Variants in ATL2 observed in about 807,000 individuals in gnomAD.
ATL2 encodes atlastin-2.
ATL2 carries 31 observed loss-of-function variants against 73.9 expected under a neutral mutation model. That is an observed-to-expected ratio of 0.42 (90% confidence interval 0.32 to 0.57). ATL2 has a LOEUF of 0.57. ATL2 is among the 20% of genes least tolerant of loss of function. The probability of loss-of-function intolerance (pLI) is 0.14; values close to 1 mark genes in which losing one functional copy is unlikely to be tolerated. For missense variants in ATL2, 738 were observed against 702.6 expected (o/e 1.05, Z -0.57); for synonymous variants, 291 against 237.5 (o/e 1.23, Z -2.07).
In ATL2 at chr2:38,315,332, T is replaced by G; in HGVS notation, c.606A>C (p.Val202=). The G allele has an allele frequency of 1.3e-6, 2 of 1,501,920 alleles. No homozygotes were observed. Among genetic ancestry groups the G allele is most frequent in the Non-Finnish European group, 1.8e-6 (2 of 1,135,568 alleles). 93.0% of individuals were successfully genotyped at this position (1,501,920 alleles called of 1,614,324 possible). A position where few individuals can be genotyped will look rare whatever the true frequency, so the allele number is the denominator to read the frequency against. ...CTTGAATATTCTGAGACAGATTATA[T>G]ACCTGTTGAAACAAAATTTATTTTG... is the stretch of plus-strand genomic sequence containing the variant. The part of the protein sequence containing the change: ...ALSTMTSSVQ[V]YNLSQNIQED... Residue 202 remains valine, a splice_region_variant and synonymous_variant, in exon 5 of 13, where the codon GTA becomes GTC. Coordinates refer to ENST00000378954, the MANE Select transcript of ATL2 (RefSeq NM_001135673.4).
rs1373605276 is a variant in ATL2 at position 38,319,034 on chromosome 2, G to T, written c.364-15C>A. On this transcript the variant is annotated splice_polypyrimidine_tract_variant and intron_variant, in intron 2 of 12. Coordinates refer to ENST00000378954, the MANE Select transcript of ATL2 (RefSeq NM_001135673.4). Reference sequence around the variant, plus strand: ...CTTTGAGAATCCTGTTAAAGTCAAGGATAAATGTAAAATACAACACAATTA... The same window carrying T: ...CTTTGAGAATCCTGTTAAAGTCAAGTATAAATGTAAAATACAACACAATTA... 1 of 1,605,908 alleles carries T rather than the reference G, an allele frequency of 6.2e-7. No individual in the cohort carries two copies. Among genetic ancestry groups the T allele is most frequent in the Non-Finnish European group, 8.5e-7 (1 of 1,176,918 alleles).
intron 2 of ATL2, among the ~76,000 whole-genome samples, chr2:38,333,824 G>T (rs1180604302): frequency 6.6e-6 from 1 of 152,110 alleles, no homozygotes; most frequent in African/African-American, 2.4e-5. Flanking sequence ...AAACAATATT[G>T]TAAACACTTC....
intron 1 of ATL2, among the ~76,000 whole-genome samples, chr2:38,363,972 A>G (rs1671158283): frequency 1.3e-5 from 2 of 152,336 alleles, no homozygotes; most frequent in Admixed American, 6.5e-5. Context: ...AACTTTAAAA[A>G]TGTAGTCTAG....
intron 1 of ATL2, among the ~76,000 whole-genome samples, chr2:38,374,083 G>C (rs1671833593): frequency 6.6e-6 from 1 of 152,156 alleles, no homozygotes; most frequent in South Asian, 2.1e-4. Flanking sequence ...TAGAGAGGGG[G>C]TTTCTCCATG....
At chr2:38,368,409 C>T (rs1373355927) in intron 1 of ATL2, among the ~76,000 whole-genome samples, 1 of 152,136 alleles carries the variant, frequency 6.6e-6, no homozygotes, top group Admixed American at 6.5e-5. Context: ...TGTGCCACCA[C>T]GCCCGGCTAA....
At chr2:38,371,186 T>TA (rs1236113054) in intron 1 of ATL2, among the ~76,000 whole-genome samples, 1 of 151,520 alleles carries the variant, frequency 6.6e-6, no homozygotes, top group African/African-American at 2.4e-5. Context: ...TTATAGGGTT[T>TA]ATCTCTTTAA....
chr2:38,376,409 A>C, intron 1 of ATL2: 2 of 431,724 alleles, frequency 4.6e-6, no homozygotes, highest in South Asian at 6.8e-5. Context: ...ACACTTTCAG[A>C]GTGATCAGGC....
intron 1 of ATL2, among the ~76,000 whole-genome samples, chr2:38,364,446 G>C (rs1205395189): frequency 1.3e-5 from 2 of 152,076 alleles, no homozygotes; most frequent in African/African-American, 2.4e-5. Context: ...AATTTCAAGA[G>C]CCCGAATATA....
chr2:38,301,158 C>T (rs940343656), intron 9 of ATL2, among the ~76,000 whole-genome samples: 6 of 152,082 alleles, frequency 3.9e-5, no homozygotes, highest in South Asian at 4.1e-4. Flanking sequence ...TTAGGAGAGA[C>T]GGGGTTTCAC....
intron 1 of ATL2, among the ~76,000 whole-genome samples, chr2:38,354,667 A>C (rs547256879): frequency 3.3e-5 from 5 of 152,162 alleles, no homozygotes; most frequent in Non-Finnish European, 7.4e-5. Context: ...AGGCAGGAGA[A>C]TCACCTGAGG....
chr2:38,375,832 G>C (rs1671929469), intron 1 of ATL2, among the ~76,000 whole-genome samples: 2 of 152,198 alleles, frequency 1.3e-5, no homozygotes, highest in Non-Finnish European at 2.9e-5. Context: ...ACAGTCAAGC[G>C]TTTTGGTTGG....
chr2:38,312,321 G>A (rs983616033), intron 7 of ATL2, among the ~76,000 whole-genome samples: 3 of 152,280 alleles, frequency 2.0e-5, no homozygotes, highest in African/African-American at 7.2e-5. Context: ...CCCCCTTGCT[G>A]TTCTTTTAAC....
chr2:38,315,269 A>T lies in ATL2; in HGVS notation c.654+15T>A. On this transcript the variant is annotated intron_variant, in intron 5 of 12. Transcript: ENST00000378954. ...TCCATCTCAAAAAATAAAAATTAAA[A>T]AAAGAAATACGTACTTGCAAATGTT... is the stretch of plus-strand genomic sequence containing the variant. 4.1e-6 allele frequency: 6 copies of T among 1,478,084 alleles called. No homozygotes were observed. Among genetic ancestry groups the T allele is most frequent in the Non-Finnish European group, 5.4e-6 (6 of 1,121,304 alleles). 91.6% of individuals were successfully genotyped at this position (1,478,084 alleles called of 1,614,324 possible). A position where few individuals can be genotyped will look rare whatever the true frequency, so the allele number is the denominator to read the frequency against.
At chr2:38,355,930 A>G (rs993170513) in intron 1 of ATL2, among the ~76,000 whole-genome samples, 7 of 151,622 alleles carry the variant, frequency 4.6e-5, no homozygotes, top group Admixed American at 2.0e-4. Flanking sequence ...CCTGACCTCA[A>G]TGATCCACCC....
At chr2:38,309,630 T>C in intron 8 of ATL2, 124 bp from the exon 9 acceptor site, 9 of 989,146 alleles carry the variant, frequency 9.1e-6, no homozygotes, top group Non-Finnish European at 1.1e-5. Flanking sequence ...AGTGGATTCA[T>C]TTTTTAAAAA....
At chr2:38,312,902 C>A (rs1465836129) in intron 7 of ATL2, among the ~76,000 whole-genome samples, 1 of 152,132 alleles carries the variant, frequency 6.6e-6, no homozygotes, top group East Asian at 1.9e-4. Context: ...TACACAAGTA[C>A]TTCCATGGGG....
At chr2:38,340,289 T>G (rs903522662) in intron 2 of ATL2, among the ~76,000 whole-genome samples, 10 of 151,400 alleles carry the variant, frequency 6.6e-5, no homozygotes, top group African/African-American at 2.4e-4. Flanking sequence ...CATCAAGCTG[T>G]ACACTTAAGA....
intron 9 of ATL2, among the ~76,000 whole-genome samples, chr2:38,305,806 A>G (rs879696279): frequency 1.4e-4 from 22 of 152,256 alleles, no homozygotes; most frequent in Non-Finnish European, 2.4e-4. Context: ...CTATATGGTA[A>G]TAAGTGCCTA....
At chr2:38,329,855 A>G (rs548271616) in intron 2 of ATL2, among the ~76,000 whole-genome samples, 1 of 152,264 alleles carries the variant, frequency 6.6e-6, no homozygotes, top group Non-Finnish European at 1.5e-5. Context: ...TCAGCTGGGC[A>G]TGGTGGCTCA....
Sources: allele counts gnomAD v4.1 joint callset (sites outside exome capture counted in the v4.1 genomes callset), GRCh38; gene constraint gnomAD v4.1.1; transcripts MANE v1.5; gene names NCBI Gene and HGNC (gene_info 2026-07-23, HGNC 2026-07-21).